SLC22A16: variants seen among roughly 807,000 people sequenced by gnomAD.
The protein encoded by SLC22A16 is WUGSC:RG331P03.1.
In SLC22A16, 53 loss-of-function variants were observed where a neutral mutation model predicts 52.9. The ratio of observed to expected loss-of-function variants is 1.00; its 90% confidence interval spans 0.80 to 1.26. The LOEUF is 1.26. Among genes scored for constraint, SLC22A16 ranks in the 50% most tolerant of loss-of-function variants. SLC22A16 has a pLI of 0.00. For synonymous variants in SLC22A16, 291 were observed against 268.8 expected (o/e 1.08, Z -0.81); for missense variants, 726 against 704.0 (o/e 1.03, Z -0.35).
At chr6:110,426,984 G>T (rs745481838) in intron 7 of SLC22A16, among the ~76,000 whole-genome samples, 1 of 151,676 alleles carries the variant, frequency 6.6e-6, no homozygotes, top group Non-Finnish European at 1.5e-5. Context: ...GGGTGCAGTG[G>T]CTTACATTTG....
chr6:110,437,346 T>A (rs373715306), intron 5 of SLC22A16, among the ~76,000 whole-genome samples: 36 of 152,110 alleles, frequency 2.4e-4, no homozygotes, highest in African/African-American at 8.5e-4. Flanking sequence ...CCCCAACTCT[T>A]CACCAACTTA....
chr6:110,424,954 G>T lies in SLC22A16; in HGVS notation c.1653C>A (p.Ser551Arg). The T allele has an allele frequency of 1.2e-6, 2 of 1,614,096 alleles. No individual in the cohort carries two copies. The highest frequency in any genetic ancestry group is 1.7e-6 in the Non-Finnish European group (2 of 1,180,018). The change falls in exon 8 of 8, where the codon AGC becomes AGA. Residue 551 changes from serine (S) to arginine (R), a missense_variant. Coordinates refer to ENST00000368919, the MANE Select transcript of SLC22A16 (RefSeq NM_033125.4). ...TATTATTAGTTGTGAGAAGTAATTT[G>T]CTTGACTTGCTTTCATTCTCTGACT... The part of the protein sequence containing the change: ...KLESENESKS[S>R]KLLLTTNNSG...
chr6:110,471,860 G>A (rs1475707411), intron 1 of SLC22A16, among the ~76,000 whole-genome samples: 1 of 152,194 alleles, frequency 6.6e-6, no homozygotes, highest in Admixed American at 6.5e-5. Context: ...ACAGCGCCCA[G>A]GGAGAGGGAA....
rs564616817 is a variant in SLC22A16 at position 110,469,098 on chromosome 6, T to G, written c.53+7424A>C. On this transcript the variant is annotated intron_variant, in intron 1 of 7. Coordinates refer to ENST00000368919, the MANE Select transcript of SLC22A16 (RefSeq NM_033125.4). ...GACCCTACAGTGCCATCCAGTCTGC[T>G]TCTATTGCACAGATTGTAGATGGGC... 4.6e-5 allele frequency among the ~76,000 whole-genome samples: 7 copies of G among 152,370 alleles called. No homozygotes were observed. The East Asian group carries it at 1.2e-3, about 25-fold the overall frequency.
intron 1 of SLC22A16, among the ~76,000 whole-genome samples, chr6:110,461,420 C>T (rs915576184): frequency 6.6e-6 from 1 of 152,156 alleles, no homozygotes; most frequent in African/African-American, 2.4e-5. Flanking sequence ...CCCCTGCTGG[C>T]CCCTACCCCT....
At chr6:110,441,850 G>A (rs550790930) in intron 4 of SLC22A16, among the ~76,000 whole-genome samples, 23 of 152,152 alleles carry the variant, frequency 1.5e-4, no homozygotes, top group Non-Finnish European at 2.4e-4. Flanking sequence ...GTCTGTACGC[G>A]GCACCCATTT....
At chr6:110,467,553 A>C (rs963910416) in intron 1 of SLC22A16, among the ~76,000 whole-genome samples, 1 of 152,226 alleles carries the variant, frequency 6.6e-6, no homozygotes, top group Admixed American at 6.5e-5. Flanking sequence ...CAGTGGCTAT[A>C]GAATGCTGGA....
At chr6:110,467,066 G>T (rs1776094931) in intron 1 of SLC22A16, among the ~76,000 whole-genome samples, 1 of 152,186 alleles carries the variant, frequency 6.6e-6, no homozygotes, top group African/African-American at 2.4e-5. Context: ...TAAAAAGACA[G>T]CTAATATCTT....
Position 110,435,912 on chromosome 6 carries a change from A to T in SLC22A16, c.1361T>A (p.Ile454Asn). Residue 454 changes from isoleucine to asparagine, a missense_variant, in exon 6 of 8, where the codon ATC becomes AAC. Physicochemically the swap from Ile to Asn is moderately radical, Grantham distance 149. Coordinates refer to ENST00000368919, the MANE Select transcript of SLC22A16 (RefSeq NM_033125.4). ...VVTAMVGKFA[I>N]GAAFGLIYLY... ...ATAAATGAGGCCAAATGCTGCCCCG[A>T]TGGCAAATTTTCCAACCATAGCTGT... 6.2e-7 allele frequency: 1 copy of T among 1,614,110 alleles called. No homozygotes were observed. The highest frequency in any genetic ancestry group is 8.5e-7 in the Non-Finnish European group (1 of 1,179,982).
intron 3 of SLC22A16, 82 bp from the exon 4 acceptor site, chr6:110,442,857 T>G (rs773176044): frequency 9.9e-5 from 128 of 1,287,784 alleles, no homozygotes; most frequent in Non-Finnish European, 1.3e-4. Flanking sequence ...AAATCACATA[T>G]AGGCAAAAAA....
chr6:110,448,503 T>C (rs1775259492), intron 2 of SLC22A16, among the ~76,000 whole-genome samples: 1 of 152,222 alleles, frequency 6.6e-6, no homozygotes, highest in African/African-American at 2.4e-5. Context: ...CCAACAGATT[T>C]GCTTGGTGCA....
At chr6:110,465,625 T>C (rs1030613217) in intron 1 of SLC22A16, among the ~76,000 whole-genome samples, 1 of 151,954 alleles carries the variant, frequency 6.6e-6, no homozygotes, top group Non-Finnish European at 1.5e-5. Flanking sequence ...AAAACACTAA[T>C]GAAAGAAATC....
chr6:110,473,429 G>C (rs4541783), intron 1 of SLC22A16, among the ~76,000 whole-genome samples: 1 of 145,156 alleles, frequency 6.9e-6, no homozygotes, highest in Non-Finnish European at 1.5e-5. Flanking sequence ...TTATGGAAAC[G>C]ATATGGTTTC....
At chr6:110,425,680 C>T (rs1462288633) in intron 7 of SLC22A16, among the ~76,000 whole-genome samples, 1 of 152,228 alleles carries the variant, frequency 6.6e-6, no homozygotes, top group Admixed American at 6.5e-5. Context: ...CTATACAGTT[C>T]GGTGTGATTT....
At chr6:110,457,542 T>C (rs1775711119) in intron 1 of SLC22A16, among the ~76,000 whole-genome samples, 2 of 152,158 alleles carry the variant, frequency 1.3e-5, no homozygotes. Flanking sequence ...TAACAAGAGT[T>C]ATGCTAGATA....
intron 3 of SLC22A16, among the ~76,000 whole-genome samples, chr6:110,444,969 C>T (rs1033856937): frequency 4.6e-5 from 7 of 152,188 alleles, no homozygotes; most frequent in African/African-American, 1.4e-4. Flanking sequence ...CTACAACTTC[C>T]TCTGTTATTG....
At chr6:110,430,196 T>A (rs1375667496) in intron 7 of SLC22A16, among the ~76,000 whole-genome samples, 1 of 151,250 alleles carries the variant, frequency 6.6e-6, no homozygotes, top group African/African-American at 2.4e-5. Flanking sequence ...ATGTGAGGAT[T>A]TGGTGATGAA....
intron 1 of SLC22A16, among the ~76,000 whole-genome samples, chr6:110,475,377 G>A (rs1776424962): frequency 6.6e-6 from 1 of 152,152 alleles, no homozygotes; most frequent in South Asian, 2.1e-4. Flanking sequence ...AACCTTATAA[G>A]GCTGTAGTGA....
chr6:110,442,808 G>T, intron 3 of SLC22A16, 33 bp from the exon 4 acceptor site: 2 of 1,586,534 alleles, frequency 1.3e-6, no homozygotes, highest in East Asian at 2.2e-5. Context: ...TTATATTCAA[G>T]GTCACATTTA....
Sources: allele counts gnomAD v4.1 joint callset (sites outside exome capture counted in the v4.1 genomes callset), GRCh38; gene constraint gnomAD v4.1.1; transcripts MANE v1.5; gene names NCBI Gene and HGNC (gene_info 2026-07-23, HGNC 2026-07-21).